XRCC4: variants seen among roughly 807,000 people sequenced by gnomAD.
XRCC4 encodes X-ray repair cross complementing 4.
In XRCC4, 28 loss-of-function variants were observed where a neutral mutation model predicts 39.1. The observed-to-expected ratio is 0.72, with a 90% confidence interval of 0.53 to 0.98. The LOEUF is 0.98. XRCC4 is among the 50% of genes least tolerant of loss of function. The pLI is 0.00. For missense variants in XRCC4, 350 were observed against 376.4 expected (o/e 0.93, Z 0.58); for synonymous variants, 123 against 126.4 (o/e 0.97, Z 0.18).
At chr5:83,176,469 G>A (rs1368008073) in intron 3 of XRCC4, among the ~76,000 whole-genome samples, 1 of 152,074 alleles carries the variant, frequency 6.6e-6, no homozygotes, top group Admixed American at 6.6e-5. Context: ...GGCCGTGGAA[G>A]GCTTATCTGT....
intron 7 of XRCC4, chr5:83,310,976 C>T (rs1755690827): frequency 2.8e-6 from 1 of 361,910 alleles, no homozygotes; most frequent in African/African-American, 2.1e-5. Context: ...GGAGTGTAGC[C>T]CTGCCAACAC....
intron 7 of XRCC4, among the ~76,000 whole-genome samples, chr5:83,305,965 A>G (rs1755468897): frequency 6.6e-6 from 1 of 152,216 alleles, no homozygotes; most frequent in Non-Finnish European, 1.5e-5. Flanking sequence ...AAGATGTTAC[A>G]TTTTGATCTG....
At chr5:83,113,623 C>CTT (rs200720410) in intron 3 of XRCC4, among the ~76,000 whole-genome samples, 16 of 144,078 alleles carry the variant, frequency 1.1e-4, no homozygotes, top group African/African-American at 2.5e-4. Flanking sequence ...ACATTTCTTT[C>CTT]TTTTTTTTTT....
chr5:83,323,721 T>A (rs1447824069), intron 7 of XRCC4, among the ~76,000 whole-genome samples: 2 of 142,392 alleles, frequency 1.4e-5, no homozygotes, highest in South Asian at 4.3e-4. Flanking sequence ...AACAAAAATA[T>A]CTGATACTGT....
chr5:83,359,083 G>T, the XRCC4 span, among the ~76,000 whole-genome samples: 2 of 151,958 alleles, frequency 1.3e-5, no homozygotes, highest in South Asian at 2.1e-4. Flanking sequence ...TGGAAACATT[G>T]TTCTCCCTAC....
intron 7 of XRCC4, among the ~76,000 whole-genome samples, chr5:83,272,885 A>G (rs534284669): frequency 5.9e-5 from 9 of 152,354 alleles, no homozygotes; most frequent in African/African-American, 2.2e-4. Context: ...TGCAATAAAC[A>G]TAAGTGTGCA....
At chr5:83,313,315 A>C (rs1479840970) in intron 7 of XRCC4, among the ~76,000 whole-genome samples, 2 of 152,146 alleles carry the variant, frequency 1.3e-5, no homozygotes, top group Non-Finnish European at 2.9e-5. Flanking sequence ...ATATATGCAC[A>C]GTACTGTCCC....
chr5:83,234,588 T>C (rs1328249329), intron 6 of XRCC4, among the ~76,000 whole-genome samples: 1 of 152,100 alleles, frequency 6.6e-6, no homozygotes, highest in Non-Finnish European at 1.5e-5. Context: ...AGAGGTCCTA[T>C]AGTATTCGAT....
chr5:83,217,377 A>C (rs1180781058), intron 6 of XRCC4, among the ~76,000 whole-genome samples: 1 of 150,890 alleles, frequency 6.6e-6, no homozygotes, highest in African/African-American at 2.4e-5. Flanking sequence ...AAAAAAAAAA[A>C]CCATTGCGAT....
intron 7 of XRCC4, among the ~76,000 whole-genome samples, chr5:83,352,322 T>C (rs1368473906): frequency 6.6e-6 from 1 of 152,170 alleles, no homozygotes; most frequent in Non-Finnish European, 1.5e-5. Context: ...TAATTGATAA[T>C]ATTAAGCATA....
chr5:83,363,026 A>G, the XRCC4 span, among the ~76,000 whole-genome samples: 106 of 152,312 alleles, frequency 7.0e-4, no homozygotes, highest in African/African-American at 2.4e-3. Flanking sequence ...GAAAGTCTAG[A>G]CAAAGGAAGG....
intron 7 of XRCC4, chr5:83,279,780 G>A (rs894750988): frequency 8.5e-5 from 13 of 152,362 alleles, no homozygotes; most frequent in African/African-American, 2.7e-4. Context: ...CTATGTGAAA[G>A]TTTTCAATGG....
chr5:83,220,232 C>T (rs1752028608), intron 6 of XRCC4, among the ~76,000 whole-genome samples: 1 of 152,230 alleles, frequency 6.6e-6, no homozygotes, highest in South Asian at 2.1e-4. Flanking sequence ...TGAAGCTAGA[C>T]GTGTTCATTG....
At chr5:83,305,939 C>T (rs1330961656) in intron 7 of XRCC4, among the ~76,000 whole-genome samples, 1 of 152,150 alleles carries the variant, frequency 6.6e-6, no homozygotes, top group African/African-American at 2.4e-5. Flanking sequence ...AGAACTCATT[C>T]TCAGGATGGT....
chr5:83,236,155 C>A (rs1004391464), intron 6 of XRCC4, among the ~76,000 whole-genome samples: 1 of 152,090 alleles, frequency 6.6e-6, no homozygotes, highest in Non-Finnish European at 1.5e-5. Flanking sequence ...AAGCAATCTA[C>A]AGATTCAATG....
At chr5:83,363,992 AC>A in the XRCC4 span, among the ~76,000 whole-genome samples, 7 of 152,282 alleles carry the variant, frequency 4.6e-5, no homozygotes, top group African/African-American at 1.7e-4. Context: ...GTACAAAGGT[AC>A]CAGATCTGGA....
At chr5:83,307,064 A>C (rs73769447) in intron 7 of XRCC4, among the ~76,000 whole-genome samples, 3,025 of 152,270 alleles carry the variant, frequency 0.02, 86 homozygotes, top group African/African-American at 0.069. Flanking sequence ...CCCTGTTAAC[A>C]TAGTCTAGCC....
At chr5:83,182,051 CAGGAAGA>C (rs1253325772) in intron 3 of XRCC4, among the ~76,000 whole-genome samples, 3 of 152,148 alleles carry the variant, frequency 2.0e-5, no homozygotes, top group Non-Finnish European at 2.9e-5. Context: ...TTTCCCCAAA[CAGGAAGA>C]AAACCTCTGG....
At chr5:83,372,697 T>C in the XRCC4 span, among the ~76,000 whole-genome samples, 7 of 152,224 alleles carry the variant, frequency 4.6e-5, no homozygotes, top group East Asian at 1.2e-3. Flanking sequence ...ATTAATGTAT[T>C]TTCTCAATCT....
Sources: allele counts gnomAD v4.1 joint callset (sites outside exome capture counted in the v4.1 genomes callset), GRCh38; gene constraint gnomAD v4.1.1; transcripts MANE v1.5; gene names NCBI Gene and HGNC (gene_info 2026-07-23, HGNC 2026-07-21).